The following ABL2 variants were observed in gnomAD, a reference collection of about 807,000 sequenced individuals.
ABL2 encodes the protein tyrosine-protein kinase ABL2.
In ABL2, 49 loss-of-function variants were observed where a neutral mutation model predicts 107.7. That is an observed-to-expected ratio of 0.45 (90% CI 0.36 to 0.58). The LOEUF (loss-of-function observed/expected upper bound fraction) is 0.58. Ranked by LOEUF, ABL2 falls within the 20% of genes least tolerant of loss-of-function variation. ABL2 has a pLI of 0.00. For synonymous variants in ABL2, 549 were observed against 548.6 expected (o/e 1.00, Z -0.01); for missense variants, 1,245 against 1,457.0 (o/e 0.85, Z 2.37).
At chr1:179,128,210 A>C (rs989721888) in intron 3 of ABL2, among the ~76,000 whole-genome samples, 1 of 152,128 alleles carries the variant, frequency 6.6e-6, no homozygotes, top group Admixed American at 6.6e-5. Flanking sequence ...TAATGAGAAA[A>C]AACACAAGAG....
chr1:179,203,128 G>A (rs796648710), intron 1 of ABL2, among the ~76,000 whole-genome samples: 12 of 152,178 alleles, frequency 7.9e-5, no homozygotes, highest in African/African-American at 2.6e-4. Context: ...AAAACATACT[G>A]CATTTGTAAA....
chr1:179,129,174 T>C (rs1656036096), intron 3 of ABL2, among the ~76,000 whole-genome samples: 1 of 152,216 alleles, frequency 6.6e-6, no homozygotes, highest in African/African-American at 2.4e-5. Context: ...GAGAAACCAC[T>C]GTTGGTCATA....
chr1:179,197,867 CA>C (rs71804838), intron 1 of ABL2, among the ~76,000 whole-genome samples: 19,693 of 137,096 alleles, frequency 0.14, 1,368 homozygotes, highest in East Asian at 0.24. Context: ...GAAACTGTCT[CA>C]AAAAAAAAAA....
chr1:179,193,247 G>A (rs1661118317), intron 1 of ABL2, among the ~76,000 whole-genome samples: 1 of 151,998 alleles, frequency 6.6e-6, no homozygotes, highest in African/African-American at 2.4e-5. Context: ...AACACTACCA[G>A]AAAAAGTGGC....
Position 179,210,520 on chromosome 1 carries a change from A to G in ABL2, c.157+18721T>C, listed in dbSNP as rs1467255926. On this transcript the variant is annotated intron_variant, in intron 1 of 11. Coordinates refer to ENST00000502732, the MANE Select transcript of ABL2 (RefSeq NM_007314.4). ...CTAACTCACAAAAAAAAAAAAAAAG[A>G]AAAAAAAAAGCTTTAAGAGAAAAAT... is the stretch of plus-strand genomic sequence containing the variant. Among the ~76,000 whole-genome samples the G allele has an allele frequency of 4.1e-3, 605 of 146,492 alleles. 3 individuals carry two copies. Among genetic ancestry groups the G allele is most frequent in the African/African-American group, 0.015 (578 of 39,132 alleles).
chr1:179,189,831 T>C (rs1660895536), intron 1 of ABL2, among the ~76,000 whole-genome samples: 1 of 152,042 alleles, frequency 6.6e-6, no homozygotes, highest in Non-Finnish European at 1.5e-5. Context: ...TTTTTTGTTT[T>C]TTTTTTGAGA....
Position 179,100,433 on chromosome 1 carries a change from CTTT to C in ABL2, c.*7282_*7284del, listed in dbSNP as rs941029628. The C allele has an allele frequency of 1.4e-4, 32 of 226,734 alleles. No homozygotes were observed. Among genetic ancestry groups the C allele is most frequent in the African/African-American group, 6.7e-4 (30 of 45,014 alleles). The allele number at this position is 226,734 out of a possible 1,614,324, so 14.0% of individuals were successfully genotyped here. A position where few individuals can be genotyped will look rare whatever the true frequency, so the allele number is the denominator to read the frequency against. The stretch of plus-strand genomic sequence containing the variant: ...TGAAACAACAATAAATTTGCATATT[CTTT>C]TTATTGTGTCATAATTGCTGAAAAT... On this transcript the variant is annotated 3_prime_UTR_variant, in exon 12 of 12. Transcript: ENST00000502732.
At chr1:179,113,116 A>G (rs28913879) in intron 9 of ABL2, among the ~76,000 whole-genome samples, 3,112 of 152,118 alleles carry the variant, frequency 0.02, 118 homozygotes, top group African/African-American at 0.072. Context: ...ATTTTGCCAC[A>G]TTGCTCAGGT....
chr1:179,221,589 TCAAA>T (rs948795764), intron 1 of ABL2: 4 of 161,212 alleles, frequency 2.5e-5, no homozygotes, highest in East Asian at 1.8e-4. Context: ...AGACTCCGTC[TCAAA>T]CAAACAACAA....
intron 1 of ABL2, among the ~76,000 whole-genome samples, chr1:179,187,672 C>A (rs963471188): frequency 1.3e-5 from 2 of 152,110 alleles, no homozygotes; most frequent in Admixed American, 1.3e-4. Flanking sequence ...TATAAATGTT[C>A]ATTATGAATT....
chr1:179,146,604 T>TA (rs1055102672), intron 1 of ABL2, among the ~76,000 whole-genome samples: 22 of 152,130 alleles, frequency 1.4e-4, no homozygotes, highest in African/African-American at 4.8e-4. Flanking sequence ...CATAAATCCC[T>TA]ACGTGTCAAG....
In ABL2 at chr1:179,126,603, T is replaced by C. The variant is rs570730790; in HGVS notation, c.461A>G (p.Gln154Arg). 6 of 1,614,222 alleles carry C rather than the reference T, an allele frequency of 3.7e-6. No homozygotes were observed. The African/African-American group carries it at 4.0e-5, about 11-fold the overall frequency. Residue 154 changes from glutamine (Q) to arginine (R), a missense_variant, in exon 4 of 12, where the codon CAG becomes CGG. Physicochemically the swap from Gln to Arg is conservative, Grantham distance 43. Transcript: ENST00000502732. This position sits in a 1 kb window ranked among gnomAD's most constrained non-coding sequence, Gnocchi z 4.4. Reference protein sequence around the residue: ...EWSEVRSKNGQGWVPSNYITP... With the variant: ...EWSEVRSKNGRGWVPSNYITP... ...GATGTAGTTGCTTGGCACCCAGCCCTGCCCATTCTTAGAGCGAACTTCACT... is the reference window on the plus strand; with the variant it reads ...GATGTAGTTGCTTGGCACCCAGCCCCGCCCATTCTTAGAGCGAACTTCACT...
At chr1:179,215,820 G>A (rs1662533214) in intron 1 of ABL2, among the ~76,000 whole-genome samples, 1 of 151,938 alleles carries the variant, frequency 6.6e-6, no homozygotes, top group Non-Finnish European at 1.5e-5. Flanking sequence ...AATTGTACTT[G>A]TTAGTATTGT....
intron 1 of ABL2, among the ~76,000 whole-genome samples, chr1:179,227,555 G>A (rs1558012338): frequency 1.3e-5 from 2 of 152,150 alleles, no homozygotes; most frequent in Non-Finnish European, 2.9e-5. Context: ...AAAGCAAGAG[G>A]ATCACCATTG....
At position 179,102,424 on chromosome 1, in the gene ABL2, C is replaced by T; in HGVS notation, c.*5294G>A. On this transcript the variant is annotated 3_prime_UTR_variant, in exon 12 of 12. Transcript: ENST00000502732. Reference sequence around the variant, plus strand: ...GAAGTTCTCACATACTCCTACGGATCCCAGACTGAAGCAGGAATTTACAAA... The same window carrying T: ...GAAGTTCTCACATACTCCTACGGATTCCAGACTGAAGCAGGAATTTACAAA... 4.5e-6 allele frequency: 1 copy of T among 221,292 alleles called. No individual in the cohort carries two copies. Among genetic ancestry groups the T allele is most frequent in the Non-Finnish European group, 9.0e-6 (1 of 110,608 alleles). 13.7% of individuals were successfully genotyped at this position (221,292 alleles called of 1,614,324 possible).
intron 4 of ABL2, among the ~76,000 whole-genome samples, chr1:179,122,580 G>T (rs1017206362): frequency 6.6e-6 from 1 of 151,828 alleles, no homozygotes; most frequent in South Asian, 2.1e-4. Flanking sequence ...AAGCTCATTG[G>T]TCTTCAAATA....
chr1:179,203,188 G>A (rs1327230629), intron 1 of ABL2, among the ~76,000 whole-genome samples: 1 of 152,168 alleles, frequency 6.6e-6, no homozygotes, highest in Non-Finnish European at 1.5e-5. Context: ...AAGGAAGAAT[G>A]TAGTATATAA....
chr1:179,145,154 C>G (rs1346688253), intron 1 of ABL2, among the ~76,000 whole-genome samples: 2 of 152,068 alleles, frequency 1.3e-5, no homozygotes, highest in Admixed American at 6.5e-5. Context: ...CCAGACACAT[C>G]AAGGCAAATA....
intron 1 of ABL2, among the ~76,000 whole-genome samples, chr1:179,176,935 A>T (rs992196488): frequency 6.6e-6 from 1 of 152,016 alleles, no homozygotes; most frequent in Non-Finnish European, 1.5e-5. Context: ...ATCTCAGGTG[A>T]TCTGCCCACC....
Sources: gnomAD v4.1 joint callset for allele counts (sites outside exome capture counted in the v4.1 genomes callset) on GRCh38, gnomAD v4.1.1 for gene constraint, Gnocchi (gnomAD v3.1) non-coding constraint, MANE v1.5 for transcripts, NCBI Gene and HGNC (gene_info 2026-07-23, HGNC 2026-07-21) for gene names.